Variants in GEMIN6 observed in about 807,000 individuals in gnomAD.
The protein encoded by GEMIN6 is gem nuclear organelle associated protein 6, also known as gem-associated protein 6.
Under a neutral mutation model 14.1 loss-of-function variants are expected in GEMIN6, and 13 were observed. The observed-to-expected ratio is 0.92, with a 90% CI of 0.60 to 1.46. The LOEUF (loss-of-function observed/expected upper bound fraction) is 1.46, where lower values mean the gene tolerates loss of function less well. Ranked by LOEUF, GEMIN6 falls within the 40% of genes most tolerant of loss-of-function variation. The pLI, the probability that GEMIN6 is intolerant of heterozygous loss-of-function variation, is 0.00. For missense variants in GEMIN6, 271 were observed against 202.4 expected, an observed-to-expected ratio of 1.34 and a Z score of -2.06; for synonymous variants, 87 against 70.0, an observed-to-expected ratio of 1.24 and a Z score of -1.21.
At chr2:38,778,831 A>C in intron 1 of GEMIN6, 141 bp from the exon 2 acceptor site, 1 of 619,842 alleles carries the variant, frequency 1.6e-6, no homozygotes, top group Non-Finnish European at 2.7e-6. Context: ...TACATGCATT[A>C]ATACTTAATT....
Position 38,778,966 on chromosome 2 carries a change from T to C in GEMIN6, c.-19-6T>C. 2 of 1,603,826 alleles carry C rather than the reference T, an allele frequency of 1.2e-6. No individual in the cohort carries two copies. Among genetic ancestry groups the C allele is most frequent in the Non-Finnish European group, 1.7e-6 (2 of 1,175,368 alleles). ...ATATATTAACCAGCACTGGTGGTTGTTTCAGATTTAGCCAGGTGGCAATCA... is the reference window on the plus strand; with the variant it reads ...ATATATTAACCAGCACTGGTGGTTGCTTCAGATTTAGCCAGGTGGCAATCA... On this transcript the variant is annotated splice_region_variant and splice_polypyrimidine_tract_variant and intron_variant, in intron 1 of 2. Coordinates refer to ENST00000281950, the MANE Select transcript of GEMIN6 (RefSeq NM_024775.10).
Position 38,781,682 on chromosome 2 carries a change from T to A in GEMIN6, c.294T>A (p.Asp98Glu). ...ACTGCAAAGCATACAGCCCAGAGGA[T>A]CTGGAAGAGAGAAAGAACAGCCTAA... is the stretch of plus-strand genomic sequence containing the variant. ...SGDCKAYSPE[D>E]LEERKNSLKK... Residue 98 changes from aspartate (D) to glutamate (E), a missense_variant, in exon 3 of 3, where the codon GAT becomes GAA. By Grantham distance (45) the Asp-to-Glu change is conservative. Transcript: ENST00000281950. The A allele has an allele frequency of 6.2e-7, 1 of 1,614,120 alleles. No individual in the cohort carries two copies.
rs1370569032 is a variant in GEMIN6, at chr2:38,779,135, C to G, written c.128+17C>G. ...CTCTGCCAAGTGAGTATGCATCCTA[C>G]TTGCCTGAAATCTTGACACCCCTTT... On this transcript the variant is annotated intron_variant, in intron 2 of 2. Transcript: ENST00000281950. The G allele has an allele frequency of 6.2e-7, 1 of 1,602,834 alleles. No individual in the cohort carries two copies. Among genetic ancestry groups the G allele is most frequent in the African/African-American group, 1.3e-5 (1 of 74,504 alleles).
Position 38,778,235 on chromosome 2 carries a change from A to G in GEMIN6, c.-66A>G, listed in dbSNP as rs755885078. The G allele has an allele frequency of 6.6e-6, 1 of 152,188 alleles. No homozygotes were observed. Among genetic ancestry groups the G allele is most frequent in the Non-Finnish European group, 1.5e-5 (1 of 68,058 alleles). 9.4% of individuals were successfully genotyped at this position (152,188 alleles called of 1,614,324 possible). A position where few individuals can be genotyped will look rare whatever the true frequency, so the allele number is the denominator to read the frequency against. ...GGTCTCCGCTCAACGATCCTTCCTC[A>G]AAGCATGGTTGCTGAGTACCCAGAG... On this transcript the variant is annotated 5_prime_UTR_variant, in exon 1 of 3. Transcript: ENST00000281950.
chr2:38,780,813 G>C (rs771080124), intron 2 of GEMIN6, among the ~76,000 whole-genome samples: 9 of 152,044 alleles, frequency 5.9e-5, no homozygotes, highest in Non-Finnish European at 1.3e-4. Flanking sequence ...ATTTTTAGTA[G>C]AGATGGGGTT....
At position 38,779,099 on chromosome 2, in the gene GEMIN6, A is replaced by G. The variant is rs1383775295; in HGVS notation, c.109A>G (p.Thr37Ala). 1.9e-6 allele frequency: 3 copies of G among 1,613,104 alleles called. No homozygotes were observed. The highest frequency in any genetic ancestry group is 2.5e-6 in the Non-Finnish European group (3 of 1,179,618). The change falls in exon 2 of 3, where the codon ACA (threonine) becomes GCA (alanine). Residue 37 changes from threonine to alanine, a missense_variant. Transcript: ENST00000281950. ...TGAGTATAAAGGATGGGTTTTAACT[A>G]CAGACCCAGTCTCTGCCAAGTGAGT... ...KNEYKGWVLTTDPVSANIVLV... is the reference protein window; with the variant it reads ...KNEYKGWVLTADPVSANIVLV...
At chr2:38,781,221 G>C (rs1430295391) in intron 2 of GEMIN6, among the ~76,000 whole-genome samples, 2 of 138,074 alleles carry the variant, frequency 1.4e-5, no homozygotes, top group African/African-American at 2.7e-5. Context: ...ACCCGCCTCG[G>C]CCTCCCAAAG....
chr2:38,779,036 AT>A lies in GEMIN6; in HGVS notation c.49del (p.Tyr17ThrfsTer6), dbSNP rs769037175. 3.7e-6 allele frequency: 6 copies of A among 1,613,752 alleles called. No homozygotes were observed. The African/African-American group carries it at 8.0e-5, about 22-fold the overall frequency. ...KKGPLEWQDY[I>X]YKEVRVTASE... is the part of the protein sequence containing the mutation. ...AGGCCCCTTAGAATGGCAAGATTAC[AT>A]TTACAAAGAGGTCCGAGTGACAGCC... On this transcript the variant is annotated frameshift_variant, in exon 2 of 3. Coordinates refer to ENST00000281950, the MANE Select transcript of GEMIN6 (RefSeq NM_024775.10). LOFTEE classifies it high-confidence loss of function.
At chr2:38,778,914 G>C in intron 1 of GEMIN6, 58 bp from the exon 2 acceptor site, 3 of 1,429,878 alleles carry the variant, frequency 2.1e-6, no homozygotes, top group Non-Finnish European at 2.9e-6. Flanking sequence ...ATGGAGATTA[G>C]GGATAAGACA....
intron 2 of GEMIN6, among the ~76,000 whole-genome samples, chr2:38,780,274 C>T (rs1160834788): frequency 3.3e-5 from 5 of 150,372 alleles, no homozygotes; most frequent in East Asian, 2.1e-4. Flanking sequence ...GAGCTGAGAT[C>T]GCGCCACTGC....
intron 2 of GEMIN6, among the ~76,000 whole-genome samples, chr2:38,780,652 G>A (rs1299649267): frequency 6.9e-6 from 1 of 145,644 alleles, no homozygotes; most frequent in African/African-American, 2.5e-5. Context: ...TTTTTGAGAT[G>A]GAGCCTTGCT....
In GEMIN6 at chr2:38,779,136, T is replaced by A; in HGVS notation, c.128+18T>A. On this transcript the variant is annotated intron_variant, in intron 2 of 2. Transcript: ENST00000281950. ...TCTGCCAAGTGAGTATGCATCCTAC[T>A]TGCCTGAAATCTTGACACCCCTTTG... 6.2e-7 allele frequency: 1 copy of A among 1,602,690 alleles called. No homozygotes were observed. Among genetic ancestry groups the A allele is most frequent in the East Asian group, 2.2e-5 (1 of 44,528 alleles).
At chr2:38,781,492 C>G (rs1460837653) in intron 2 of GEMIN6, 25 bp from the exon 3 acceptor site, 1 of 1,583,284 alleles carries the variant, frequency 6.3e-7, no homozygotes, top group East Asian at 2.2e-5. Flanking sequence ...TTGATGATGC[C>G]TCTAAACTTA....
At chr2:38,779,665 T>TATATA (rs1491245074) in intron 2 of GEMIN6, among the ~76,000 whole-genome samples, 75 of 13,984 alleles carry the variant, frequency 5.4e-3, no homozygotes, top group Non-Finnish European at 8.7e-3. Flanking sequence ...TATATATATA[T>TATATA]TTTTTTTTTT....
At chr2:38,779,484 G>A in intron 2 of GEMIN6, 1 of 247,034 alleles carries the variant, frequency 4.0e-6, no homozygotes, top group Non-Finnish European at 8.2e-6. Flanking sequence ...GCCCACCTTA[G>A]CGTCACAGAG....
rs1182363624 is a variant in GEMIN6, at chr2:38,782,862, TG to T, written c.*971del. The T allele has an allele frequency of 6.6e-6, 1 of 152,206 alleles. No homozygotes were observed. The highest frequency in any genetic ancestry group is 1.5e-5 in the Non-Finnish European group (1 of 68,126). 9.4% of individuals were successfully genotyped at this position (152,206 alleles called of 1,614,324 possible). ...TTGAATTACAGTTTTCTGGTTTTTT[TG>T]TGGAGTTTTTGTTTTGGTTTTTGAG... On this transcript the variant is annotated 3_prime_UTR_variant, in exon 3 of 3. Coordinates refer to ENST00000281950, the MANE Select transcript of GEMIN6 (RefSeq NM_024775.10).
At chr2:38,779,626 A>G (rs895436658) in intron 2 of GEMIN6, among the ~76,000 whole-genome samples, 1 of 117,462 alleles carries the variant, frequency 8.5e-6, no homozygotes, top group Non-Finnish European at 1.7e-5. Flanking sequence ...GGGCATAGAA[A>G]TTATTCTTAC....
Position 38,784,458 on chromosome 2 carries a change from C to T in GEMIN6, c.*2566C>T, listed in dbSNP as rs1669159839. The T allele has an allele frequency of 6.6e-6, 1 of 150,400 alleles. No homozygotes were observed. Among genetic ancestry groups the T allele is most frequent in the Non-Finnish European group, 1.5e-5 (1 of 67,794 alleles). 9.3% of individuals were successfully genotyped at this position (150,400 alleles called of 1,614,324 possible). On this transcript the variant is annotated 3_prime_UTR_variant, in exon 3 of 3. Transcript: ENST00000281950. ...AGGAGGCTGAGGCACTCGCTTGAAT[C>T]TGGGAGGTGGAGGTTGCAGTGAGCC... is the stretch of plus-strand genomic sequence containing the variant.
rs868734977 is a variant in GEMIN6, at chr2:38,781,791, A to G, written c.403A>G (p.Ile135Val). The change falls in exon 3 of 3, where the codon ATA becomes GTA. Residue 135 changes from isoleucine (I) to valine (V), a missense_variant. Physicochemically the swap from Ile to Val is conservative, Grantham distance 29. Coordinates refer to ENST00000281950, the MANE Select transcript of GEMIN6 (RefSeq NM_024775.10). ...TCTCTGTGTGGCTGGGGTCCTGACT[A>G]TAGACCCACCATATGGTCCAGAAAA... ...RTLCVAGVLT[I>V]DPPYGPENCS... 6 of 1,614,084 alleles carry G rather than the reference A, an allele frequency of 3.7e-6. No homozygotes were observed. Among genetic ancestry groups the G allele is most frequent in the African/African-American group, 2.7e-5 (2 of 74,944 alleles).
Sources: allele counts gnomAD v4.1 joint callset (sites outside exome capture counted in the v4.1 genomes callset), GRCh38; gene constraint gnomAD v4.1.1; transcripts MANE v1.5; gene names NCBI Gene and HGNC (gene_info 2026-07-23, HGNC 2026-07-21).